FBXW2: variants seen among roughly 807,000 people sequenced by gnomAD.
The protein encoded by FBXW2 is F-box and WD repeat domain containing 2.
Under a neutral mutation model 46.0 loss-of-function variants are expected in FBXW2, and 12 were observed. The observed-to-expected ratio is 0.26, with a 90% confidence interval of 0.17 to 0.42. The LOEUF (loss-of-function observed/expected upper bound fraction) is 0.42, where lower values mean the gene tolerates loss of function less well. Among genes scored for constraint, FBXW2 ranks in the 10% least tolerant of loss-of-function variants. The probability of loss-of-function intolerance (pLI) is 1.00; values close to 1 mark genes in which losing one functional copy is unlikely to be tolerated. For synonymous variants in FBXW2, 203 were observed against 209.6 expected (o/e 0.97, Z 0.27); for missense variants, 360 against 537.0 (o/e 0.67, Z 3.26).
intron 3 of FBXW2, among the ~76,000 whole-genome samples, chr9:120,786,501 C>A (rs1250837780): frequency 6.6e-6 from 1 of 152,198 alleles, no homozygotes; most frequent in Non-Finnish European, 1.5e-5. Context: ...AACCTCTTTT[C>A]TTCATAAATT....
At chr9:120,788,606 A>G (rs2044770545) in intron 2 of FBXW2, among the ~76,000 whole-genome samples, 1 of 152,254 alleles carries the variant, frequency 6.6e-6, no homozygotes, top group Non-Finnish European at 1.5e-5. Context: ...ACAATTCATT[A>G]TAAAACAGTA....
intron 3 of FBXW2, among the ~76,000 whole-genome samples, chr9:120,784,159 CCCA>C (rs761452609): frequency 3.9e-5 from 6 of 152,072 alleles, no homozygotes; most frequent in Non-Finnish European, 7.4e-5. Flanking sequence ...AACATACAGA[CCCA>C]CCAAGAGAAT....
chr9:120,787,379 T>C (rs765417440), intron 3 of FBXW2, among the ~76,000 whole-genome samples: 4 of 152,236 alleles, frequency 2.6e-5, no homozygotes, highest in Non-Finnish European at 5.9e-5. Flanking sequence ...TTGGCCATAA[T>C]GATCTAACTA....
Position 120,763,751 on chromosome 9 carries a change from CAAGG to C in FBXW2, c.*804_*807del, listed in dbSNP as rs1187098154. 6.6e-6 allele frequency: 1 copy of C among 152,196 alleles called. No individual in the cohort carries two copies. The highest frequency in any genetic ancestry group is 1.9e-4 in the East Asian group (1 of 5,190). 9.4% of individuals were successfully genotyped at this position (152,196 alleles called of 1,614,324 possible). ...TGAGCTTCATACCTGGCTGTACAGA[CAAGG>C]AAGCTGGGACCCAGAGAGGGTGCAG... On this transcript the variant is annotated 3_prime_UTR_variant, in exon 8 of 8. Coordinates refer to ENST00000608872, the MANE Select transcript of FBXW2 (RefSeq NM_012164.4).
At chr9:120,792,004 T>C (rs892030860) in intron 2 of FBXW2, among the ~76,000 whole-genome samples, 7 of 152,194 alleles carry the variant, frequency 4.6e-5, no homozygotes, top group African/African-American at 1.7e-4. Flanking sequence ...CATATTTATA[T>C]TGGTTTTAAA....
At chr9:120,778,296 C>T in intron 4 of FBXW2, 55 bp downstream of exon 4, 1 of 1,464,544 alleles carries the variant, frequency 6.8e-7, no homozygotes, top group Middle Eastern at 2.6e-4. Flanking sequence ...TTCTTGGCTC[C>T]TGGCTTAAAA....
chr9:120,783,574 G>A (rs1038479003), intron 3 of FBXW2, among the ~76,000 whole-genome samples: 1 of 152,114 alleles, frequency 6.6e-6, no homozygotes, highest in African/African-American at 2.4e-5. Flanking sequence ...TTATTACAAT[G>A]GAGCACCAGC....
intron 4 of FBXW2, among the ~76,000 whole-genome samples, chr9:120,777,261 A>T (rs1266925366): frequency 6.6e-6 from 1 of 152,236 alleles, no homozygotes; most frequent in Non-Finnish European, 1.5e-5. Flanking sequence ...TGCACCTTCA[A>T]ATATTAATTT....
intron 3 of FBXW2, among the ~76,000 whole-genome samples, chr9:120,786,059 T>C (rs1030235112): frequency 6.7e-6 from 1 of 150,012 alleles, no homozygotes; most frequent in Non-Finnish European, 1.5e-5. Flanking sequence ...ATAAAATAAT[T>C]CATACTTCTG....
chr9:120,766,285 T>G, intron 7 of FBXW2, among the ~76,000 whole-genome samples: 1 of 152,034 alleles, frequency 6.6e-6, no homozygotes, highest in East Asian at 1.9e-4. Flanking sequence ...GAAAGATGTG[T>G]AAGAGACAGC....
intron 6 of FBXW2, 142 bp downstream of exon 6, chr9:120,772,612 C>T: frequency 1.9e-6 from 1 of 537,800 alleles, no homozygotes; most frequent in Non-Finnish European, 3.2e-6. Context: ...ATCATCTCTT[C>T]TTCCGGTGGG....
intron 2 of FBXW2, chr9:120,792,783 G>C (rs2044876395): frequency 1.0e-6 from 1 of 964,804 alleles, no homozygotes; most frequent in East Asian, 5.3e-5. Context: ...GTTTAGCACA[G>C]TACTCGGCAC....
chr9:120,769,304 C>A (rs1189287377), intron 7 of FBXW2, among the ~76,000 whole-genome samples: 1 of 152,196 alleles, frequency 6.6e-6, no homozygotes, highest in Admixed American at 6.5e-5. Flanking sequence ...AAAGCAGACA[C>A]AAGACAGACT....
At chr9:120,772,423 G>A (rs2044397680) in intron 6 of FBXW2, among the ~76,000 whole-genome samples, 1 of 152,112 alleles carries the variant, frequency 6.6e-6, no homozygotes, top group African/African-American at 2.4e-5. Context: ...AACCCAGGGG[G>A]CGGAGGTTGC....
intron 5 of FBXW2, among the ~76,000 whole-genome samples, chr9:120,773,518 G>C (rs141382464): frequency 5.9e-5 from 9 of 152,240 alleles, no homozygotes; most frequent in African/African-American, 2.2e-4. Context: ...TTACAGTAAA[G>C]ATAAAGTAAC....
chr9:120,786,078 G>A (rs2044716810), intron 3 of FBXW2, among the ~76,000 whole-genome samples: 1 of 150,010 alleles, frequency 6.7e-6, no homozygotes, highest in African/African-American at 2.4e-5. Flanking sequence ...TGTATCTGGT[G>A]ATTCTACTTT....
intron 3 of FBXW2, among the ~76,000 whole-genome samples, chr9:120,783,413 A>G (rs192767925): frequency 2.0e-3 from 298 of 152,298 alleles, no homozygotes; most frequent in Admixed American, 9.6e-3. Context: ...ACACTGCACG[A>G]AAGAAAAAAA....
Position 120,763,049 on chromosome 9 carries a change from G to A in FBXW2, c.*1510C>T, listed in dbSNP as rs2044220540. 1.3e-5 allele frequency: 2 copies of A among 152,194 alleles called. No individual in the cohort carries two copies. Among genetic ancestry groups the A allele is most frequent in the African/African-American group, 4.8e-5 (2 of 41,456 alleles). 9.4% of individuals were successfully genotyped at this position (152,194 alleles called of 1,614,324 possible). ...ATCTGGCAACCCAGGGACATGTTTT[G>A]TTTGGCTCACCTTATTTCAAATTTT... is the stretch of plus-strand genomic sequence containing the variant. On this transcript the variant is annotated 3_prime_UTR_variant, in exon 8 of 8. Coordinates refer to ENST00000608872, the MANE Select transcript of FBXW2 (RefSeq NM_012164.4).
intron 5 of FBXW2, among the ~76,000 whole-genome samples, chr9:120,773,458 T>C (rs962024739): frequency 6.6e-6 from 1 of 152,224 alleles, no homozygotes; most frequent in Non-Finnish European, 1.5e-5. Context: ...TCGGTCAGTT[T>C]CTTGATCTTT....
Sources: allele counts gnomAD v4.1 joint callset (sites outside exome capture counted in the v4.1 genomes callset), GRCh38; gene constraint gnomAD v4.1.1; transcripts MANE v1.5; gene names NCBI Gene and HGNC (gene_info 2026-07-23, HGNC 2026-07-21).